SEL1L3: variants seen among roughly 807,000 people sequenced by gnomAD.
SEL1L3 encodes SEL1L family member 3.
Under a neutral mutation model 142.8 loss-of-function variants are expected in SEL1L3, and 76 were observed. That is an observed-to-expected ratio of 0.53 (90% CI 0.44 to 0.64). SEL1L3 has a LOEUF of 0.64. Ranked by LOEUF, SEL1L3 falls within the 30% of genes least tolerant of loss-of-function variation. The pLI, the probability that SEL1L3 is intolerant of heterozygous loss-of-function variation, is 0.00. For missense variants in SEL1L3, 1,262 were observed against 1,381.7 expected (o/e 0.91, Z 1.37); for synonymous variants, 504 against 519.6 (o/e 0.97, Z 0.41).
chr4:25,826,083 T>C (rs1411238193), intron 6 of SEL1L3, among the ~76,000 whole-genome samples: 4 of 152,222 alleles, frequency 2.6e-5, no homozygotes, highest in African/African-American at 9.7e-5. Context: ...TTGTTTTCTG[T>C]TTGTCTCCCC....
At chr4:25,795,062 G>C (rs1009189902) in intron 11 of SEL1L3, among the ~76,000 whole-genome samples, 1 of 150,868 alleles carries the variant, frequency 6.6e-6, no homozygotes, top group Non-Finnish European at 1.5e-5. Flanking sequence ...TTGGGGGGTG[G>C]GGGGGAGGGA....
intron 18 of SEL1L3, 27 bp from the exon 19 acceptor site, chr4:25,767,636 A>C: frequency 6.5e-7 from 1 of 1,535,182 alleles, no homozygotes; most frequent in South Asian, 1.2e-5. Flanking sequence ...AGAAAAAGTT[A>C]ATTCATTAAT....
intron 11 of SEL1L3, among the ~76,000 whole-genome samples, chr4:25,794,341 C>G (rs754577850): frequency 2.6e-5 from 4 of 152,130 alleles, no homozygotes; most frequent in Admixed American, 6.5e-5. Flanking sequence ...AAAAACCAAA[C>G]AACTTCATTT....
At chr4:25,750,506 T>C (rs1299128844) in intron 23 of SEL1L3, among the ~76,000 whole-genome samples, 1 of 152,192 alleles carries the variant, frequency 6.6e-6, no homozygotes, top group Non-Finnish European at 1.5e-5. Flanking sequence ...AAAGGAGGTA[T>C]ACAGGGGAAA....
chr4:25,779,962 G>T (rs1353892293), intron 15 of SEL1L3, among the ~76,000 whole-genome samples: 1 of 152,042 alleles, frequency 6.6e-6, no homozygotes, highest in Non-Finnish European at 1.5e-5. Context: ...TAGAGTGAAG[G>T]GTTGTTGTAA....
At chr4:25,856,083 G>T (rs1339418485) in intron 1 of SEL1L3, among the ~76,000 whole-genome samples, 1 of 152,096 alleles carries the variant, frequency 6.6e-6, no homozygotes. Flanking sequence ...CAGCTATTTG[G>T]TCCCTCTAGA....
chr4:25,766,599 G>C lies in SEL1L3; in HGVS notation c.2845+926C>G, dbSNP rs145238194. 8.9e-3 allele frequency among the ~76,000 whole-genome samples: 1,352 copies of C among 152,242 alleles called. 21 individuals are homozygous for C. The highest frequency in any genetic ancestry group is 0.029 in the African/African-American group (1,203 of 41,530). ...AATGGAAAACAATAGGCAGCCCAGA[G>C]ATCAGCAGTGAGAAGGCTACTATCA... On this transcript the variant is annotated intron_variant, in intron 19 of 23. Transcript: ENST00000399878.
the SEL1L3 span, among the ~76,000 whole-genome samples, chr4:25,717,807 T>G: frequency 1.8e-4 from 28 of 152,354 alleles, no homozygotes; most frequent in East Asian, 5.0e-3. Flanking sequence ...AGCCTCATTT[T>G]CCTCAGCTGC....
the SEL1L3 span, among the ~76,000 whole-genome samples, chr4:25,736,111 G>A: frequency 2.6e-5 from 4 of 151,944 alleles, no homozygotes; most frequent in African/African-American, 9.7e-5. Context: ...TTACAGGCAT[G>A]AGCCACCGTG....
At chr4:25,753,374 A>G (rs1392295874) in intron 23 of SEL1L3, among the ~76,000 whole-genome samples, 2 of 152,170 alleles carry the variant, frequency 1.3e-5, no homozygotes, top group East Asian at 3.8e-4. Flanking sequence ...TCCTCACCCA[A>G]AGCTGCTGAC....
chr4:25,828,829 G>A (rs961386973), intron 6 of SEL1L3, among the ~76,000 whole-genome samples: 1 of 152,184 alleles, frequency 6.6e-6, no homozygotes. Context: ...CAGCCTGTTT[G>A]GAGAGGCAGC....
At chr4:25,756,024 G>A (rs1411264191) in intron 23 of SEL1L3, 1 of 985,278 alleles carries the variant, frequency 1.0e-6, no homozygotes, top group Non-Finnish European at 1.2e-6. Context: ...ACCTCCTCAG[G>A]TAAATCAGAG....
rs750827741 is a variant in SEL1L3, at chr4:25,782,233, C to T, written c.2457+9G>A. The T allele has an allele frequency of 2.7e-5, 43 of 1,610,696 alleles. No individual in the cohort carries two copies. The highest frequency in any genetic ancestry group is 2.0e-4 in the South Asian group (18 of 90,896). ...ACTAGTTGCAGAGTGGGTCTCAAGT[C>T]CTACTCACTTGATTCCTTCCAGGAA... On this transcript the variant is annotated intron_variant, in intron 15 of 23. Transcript: ENST00000399878.
intron 1 of SEL1L3, among the ~76,000 whole-genome samples, chr4:25,855,787 G>T (rs943732076): frequency 5.8e-4 from 89 of 152,246 alleles, no homozygotes; most frequent in African/African-American, 1.9e-3. Flanking sequence ...ACTGGGCATG[G>T]GCATTTCTGC....
At chr4:25,770,739 C>CAAAAAAAAAAAAAAAA (rs57317400) in intron 17 of SEL1L3, among the ~76,000 whole-genome samples, 5 of 97,364 alleles carry the variant, frequency 5.1e-5, no homozygotes, top group Non-Finnish European at 8.3e-5. Flanking sequence ...GACTCTGTCT[C>CAAAAAAAAAAAAAAAA]AAAAAAAAAA....
the SEL1L3 span, among the ~76,000 whole-genome samples, chr4:25,739,502 C>T: frequency 3.3e-5 from 5 of 151,852 alleles, no homozygotes; most frequent in South Asian, 4.2e-4. Flanking sequence ...GTCAAGAGAT[C>T]GAGACCATCC....
At chr4:25,801,943 C>T (rs1713212251) in intron 11 of SEL1L3, among the ~76,000 whole-genome samples, 1 of 152,188 alleles carries the variant, frequency 6.6e-6, no homozygotes. Flanking sequence ...CCAGACCTCA[C>T]CATCTCATAG....
chr4:25,726,815 G>C, the SEL1L3 span, among the ~76,000 whole-genome samples: 3 of 152,182 alleles, frequency 2.0e-5, no homozygotes, highest in African/African-American at 7.2e-5. Flanking sequence ...TTATTCGCTT[G>C]TGAGACGTGC....
intron 5 of SEL1L3, among the ~76,000 whole-genome samples, chr4:25,831,718 T>C (rs1172042746): frequency 6.6e-6 from 1 of 151,598 alleles, no homozygotes; most frequent in Non-Finnish European, 1.5e-5. Context: ...AGAGACGGGG[T>C]TTCACCATGT....
Sources: gnomAD v4.1 joint callset for allele counts (sites outside exome capture counted in the v4.1 genomes callset) on GRCh38, gnomAD v4.1.1 for gene constraint, MANE v1.5 for transcripts, NCBI Gene and HGNC (gene_info 2026-07-23, HGNC 2026-07-21) for gene names.